TTC28: variants seen among roughly 807,000 people sequenced by gnomAD.
TTC28 encodes the protein tetratricopeptide repeat protein 28.
In TTC28, 61 loss-of-function variants were observed where a neutral mutation model predicts 198.0. The ratio of observed to expected loss-of-function variants is 0.31; its 90% confidence interval spans 0.25 to 0.38. The LOEUF (loss-of-function observed/expected upper bound fraction) is 0.38. Ranked by LOEUF, TTC28 falls within the 10% of genes least tolerant of loss-of-function variation. The probability of loss-of-function intolerance (pLI) is 1.00; values close to 1 mark genes in which losing one functional copy is unlikely to be tolerated. For synonymous variants in TTC28, 1,171 were observed against 1,297.8 expected, an observed-to-expected ratio of 0.90 and a Z score of 2.10; for missense variants, 2,678 against 3,164.0, an observed-to-expected ratio of 0.85 and a Z score of 3.69.
At chr22:28,647,120 C>T (rs909185443) in intron 1 of TTC28, among the ~76,000 whole-genome samples, 6 of 152,034 alleles carry the variant, frequency 3.9e-5, no homozygotes, top group Non-Finnish European at 7.4e-5. Flanking sequence ...CATACAAAAA[C>T]AAAAACTGGG....
In TTC28 at chr22:28,105,685, G is replaced by A. The variant is rs1458183225; in HGVS notation, c.2901C>T (p.His967=). The change falls in exon 8 of 23, where the codon CAC becomes CAT. Residue 967 remains histidine (H), a synonymous_variant. Coordinates refer to ENST00000397906, the MANE Select transcript of TTC28 (RefSeq NM_001145418.2). ...CTTGTTCGTAATTCCCTAATTGGCT[G>A]TGCAGACTTCCCAGCTCTCCATAGG... ...AQAYGELGSL[H]SQLGNYEQAI... The A allele has an allele frequency of 1.9e-6, 3 of 1,551,876 alleles. No homozygotes were observed. The highest frequency in any genetic ancestry group is 1.7e-6 in the Non-Finnish European group (2 of 1,147,054).
chr22:28,042,256 T>C (rs575130531), intron 12 of TTC28, among the ~76,000 whole-genome samples: 39 of 145,700 alleles, frequency 2.7e-4, no homozygotes, highest in African/African-American at 1.0e-3. Flanking sequence ...TTATAAATCA[T>C]GCTACTATAA....
intron 2 of TTC28, among the ~76,000 whole-genome samples, chr22:28,480,544 G>A (rs780329197): frequency 2.6e-5 from 4 of 152,098 alleles, no homozygotes; most frequent in East Asian, 1.9e-4. Context: ...TTTCTCTAGC[G>A]CACTAACAAT....
At chr22:28,403,731 G>A (rs896270400) in intron 2 of TTC28, among the ~76,000 whole-genome samples, 3 of 152,132 alleles carry the variant, frequency 2.0e-5, no homozygotes, top group Admixed American at 6.5e-5. Context: ...TCTGCTTCAC[G>A]TATAACAAGG....
chr22:28,657,968 A>G (rs992709285), intron 1 of TTC28, among the ~76,000 whole-genome samples: 2 of 152,152 alleles, frequency 1.3e-5, no homozygotes, highest in African/African-American at 4.8e-5. Context: ...TTAATATTAG[A>G]TACTTGCCTT....
intron 2 of TTC28, among the ~76,000 whole-genome samples, chr22:28,363,466 G>A (rs967654326): frequency 6.6e-6 from 1 of 152,188 alleles, no homozygotes; most frequent in African/African-American, 2.4e-5. Context: ...CCTCTGCTAG[G>A]GCAGTATGGA....
At chr22:28,392,993 C>T (rs535878623) in intron 2 of TTC28, among the ~76,000 whole-genome samples, 3 of 151,716 alleles carry the variant, frequency 2.0e-5, no homozygotes, top group South Asian at 4.2e-4. Flanking sequence ...CTTCCCACCT[C>T]AGCCTTCTGA....
chr22:28,659,327 G>A (rs1458668989), intron 1 of TTC28, among the ~76,000 whole-genome samples: 1 of 152,074 alleles, frequency 6.6e-6, no homozygotes, highest in Non-Finnish European at 1.5e-5. Flanking sequence ...GAAGTGCAGT[G>A]GCACGATCTT....
At chr22:28,386,206 C>T (rs71325294) in intron 2 of TTC28, among the ~76,000 whole-genome samples, 2 of 127,058 alleles carry the variant, frequency 1.6e-5, no homozygotes, top group Admixed American at 2.1e-4. Context: ...ACCCGGGAGG[C>T]GGAGCTTGCA....
At position 28,296,282 on chromosome 22, in the gene TTC28, T is replaced by C. The variant is rs969699371; in HGVS notation, c.849A>G (p.Ala283=). The part of the protein sequence containing the change: ...ECRAHGNLGS[A]FFSKGNYREA... Reference sequence around the variant, plus strand: ...CCCGGTAATTTCCTTTGGAGAAGAATGCAGAGCCCAGATTCCCATGAGCTC... The same window carrying C: ...CCCGGTAATTTCCTTTGGAGAAGAACGCAGAGCCCAGATTCCCATGAGCTC... Residue 283 remains alanine (A), a synonymous_variant, in exon 5 of 23, where the codon GCA becomes GCG. Transcript: ENST00000397906. 1.3e-5 allele frequency: 20 copies of C among 1,550,466 alleles called. No individual in the cohort carries two copies. The African/African-American group carries it at 1.9e-4, about 15-fold the overall frequency.
At chr22:28,001,734 A>G (rs1937704562) in intron 14 of TTC28, 181 bp from the exon 15 acceptor site, 1 of 669,640 alleles carries the variant, frequency 1.5e-6, no homozygotes, top group Admixed American at 2.9e-5. Context: ...ACCAACTGGC[A>G]TGCTCGCTTG....
At chr22:28,611,206 T>A (rs556102261) in intron 2 of TTC28, among the ~76,000 whole-genome samples, 44 of 152,224 alleles carry the variant, frequency 2.9e-4, no homozygotes, top group Non-Finnish European at 5.4e-4. Context: ...ATTCAGGAAA[T>A]ACAGAGAACA....
intron 6 of TTC28, among the ~76,000 whole-genome samples, chr22:28,132,145 C>T (rs1943072612): frequency 6.6e-6 from 1 of 152,142 alleles, no homozygotes; most frequent in Non-Finnish European, 1.5e-5. Flanking sequence ...AGATACAAGA[C>T]AATGAACTAC....
At chr22:28,288,245 G>A (rs188465655) in intron 5 of TTC28, among the ~76,000 whole-genome samples, 4 of 152,158 alleles carry the variant, frequency 2.6e-5, no homozygotes, top group Admixed American at 6.5e-5. Context: ...TATTTGCTCC[G>A]ATGTGTGTTT....
At chr22:28,405,464 T>C (rs1287083768) in intron 2 of TTC28, among the ~76,000 whole-genome samples, 1 of 152,020 alleles carries the variant, frequency 6.6e-6, no homozygotes, top group Non-Finnish European at 1.5e-5. Context: ...TAGCAGAAGG[T>C]AGAAAGCATG....
chr22:27,989,840 A>T, intron 21 of TTC28, 38 bp downstream of exon 21: 1 of 1,530,572 alleles, frequency 6.5e-7, no homozygotes, highest in East Asian at 2.5e-5. Context: ...AAAAGATGGA[A>T]TTCAAGAACC....
intron 2 of TTC28, among the ~76,000 whole-genome samples, chr22:28,579,264 G>A (rs2050197201): frequency 6.7e-6 from 1 of 149,252 alleles, no homozygotes. Flanking sequence ...TGTAAGTATA[G>A]CTATATACGT....
At chr22:28,030,847 G>C (rs1241293197) in intron 12 of TTC28, among the ~76,000 whole-genome samples, 1 of 152,170 alleles carries the variant, frequency 6.6e-6, no homozygotes, top group African/African-American at 2.4e-5. Flanking sequence ...CCTAGGCAAG[G>C]GGGACATGCA....
chr22:28,518,583 A>G (rs974066748), intron 2 of TTC28, among the ~76,000 whole-genome samples: 1 of 152,210 alleles, frequency 6.6e-6, no homozygotes, highest in Non-Finnish European at 1.5e-5. Context: ...ACTACAGCCT[A>G]CGTGACAGAG....
Sources: gnomAD v4.1 joint callset for allele counts (sites outside exome capture counted in the v4.1 genomes callset) on GRCh38, gnomAD v4.1.1 for gene constraint, MANE v1.5 for transcripts, NCBI Gene and HGNC (gene_info 2026-07-23, HGNC 2026-07-21) for gene names.